The following ACVR1 variants were observed in gnomAD, a reference collection of about 807,000 sequenced individuals.
ACVR1 encodes activin receptor type-1.
Under a neutral mutation model 57.1 loss-of-function variants are expected in ACVR1, and 38 were observed. That is an observed-to-expected ratio of 0.67 (90% CI 0.51 to 0.87). The LOEUF (loss-of-function observed/expected upper bound fraction) is 0.87. ACVR1 is among the 40% of genes least tolerant of loss of function. The pLI is 0.00. For missense variants in ACVR1, 463 were observed against 638.2 expected (o/e 0.73, Z 2.96); for synonymous variants, 212 against 228.1 (o/e 0.93, Z 0.63).
At chr2:157,755,611 A>G (rs1443998861) in intron 9 of ACVR1, among the ~76,000 whole-genome samples, 2 of 152,042 alleles carry the variant, frequency 1.3e-5, no homozygotes, top group African/African-American at 4.8e-5. Flanking sequence ...TAACCAAGGA[A>G]GCAGAAGATC....
chr2:157,824,666 T>A (rs1347480620), intron 1 of ACVR1, among the ~76,000 whole-genome samples: 1 of 152,008 alleles, frequency 6.6e-6, no homozygotes, highest in Non-Finnish European at 1.5e-5. Context: ...TCACCAGATA[T>A]GAGGTGTGAC....
Position 157,737,393 on chromosome 2 carries a change from C to T in ACVR1, c.*138G>A, listed in dbSNP as rs2228948. ...TGTCTCCCCAACACATGGCTGGGTACGACGTCTGCCTTGTCAAAGCAGCCA... is the reference window on the plus strand; with the variant it reads ...TGTCTCCCCAACACATGGCTGGGTATGACGTCTGCCTTGTCAAAGCAGCCA... On this transcript the variant is annotated 3_prime_UTR_variant, in exon 11 of 11. Transcript: ENST00000434821. The T allele has an allele frequency of 0.19, 221,406 of 1,142,828 alleles. 25,136 individuals are homozygous for T. Among genetic ancestry groups the T allele is most frequent in the Non-Finnish European group, 0.23 (180,675 of 788,018 alleles). 70.8% of individuals were successfully genotyped at this position (1,142,828 alleles called of 1,614,324 possible). A position where few individuals can be genotyped will look rare whatever the true frequency, so the allele number is the denominator to read the frequency against.
intron 1 of ACVR1, chr2:157,838,350 A>G (rs1336537954): frequency 2.6e-5 from 4 of 151,874 alleles, no homozygotes; most frequent in Non-Finnish European, 5.9e-5. Flanking sequence ...AGGTGGGGGA[A>G]AAAAAAACAA....
chr2:157,780,124 T>C (rs953795629), intron 4 of ACVR1, among the ~76,000 whole-genome samples: 6 of 152,202 alleles, frequency 3.9e-5, no homozygotes, highest in Non-Finnish European at 8.8e-5. Context: ...GACATCACCT[T>C]GCTTACATTC....
chr2:157,807,409 C>T (rs1220171974), intron 2 of ACVR1, among the ~76,000 whole-genome samples: 1 of 152,134 alleles, frequency 6.6e-6, no homozygotes, highest in Non-Finnish European at 1.5e-5. Flanking sequence ...GACTGTCCCT[C>T]GTTTTCCACT....
At chr2:157,851,577 T>A (rs1689302316) in intron 1 of ACVR1, among the ~76,000 whole-genome samples, 1 of 152,086 alleles carries the variant, frequency 6.6e-6, no homozygotes, top group Non-Finnish European at 1.5e-5. Context: ...TTATACTCTA[T>A]ATTCTGTATA....
At chr2:157,872,270 C>T (rs151291054) in intron 1 of ACVR1, among the ~76,000 whole-genome samples, 1 of 152,184 alleles carries the variant, frequency 6.6e-6, no homozygotes, top group African/African-American at 2.4e-5. Flanking sequence ...TATTTCCCAG[C>T]CTCACCAGTT....
intron 8 of ACVR1, 67 bp downstream of exon 8, chr2:157,765,854 T>C (rs1251359656): frequency 6.5e-7 from 1 of 1,537,604 alleles, no homozygotes; most frequent in African/African-American, 1.4e-5. Context: ...GGGGGAGAGA[T>C]GCAACTCACC....
intron 1 of ACVR1, among the ~76,000 whole-genome samples, chr2:157,847,836 G>A (rs949615752): frequency 3.7e-4 from 57 of 152,290 alleles, no homozygotes; most frequent in Middle Eastern, 3.4e-3. Context: ...GGGAGGGGGC[G>A]AGGAGTGGAG....
intron 1 of ACVR1, among the ~76,000 whole-genome samples, chr2:157,826,859 AGGAAG>A (rs1045958430): frequency 8.5e-5 from 11 of 130,140 alleles, no homozygotes; most frequent in Admixed American, 7.2e-4. Context: ...GAAAAGAAGA[AGGAAG>A]GGAAAGGAAA....
chr2:157,747,090 T>C (rs1421474962), intron 9 of ACVR1, among the ~76,000 whole-genome samples: 1 of 152,208 alleles, frequency 6.6e-6, no homozygotes, highest in Non-Finnish European at 1.5e-5. Flanking sequence ...ACTCAAAGGA[T>C]GTATCATTAT....
At chr2:157,852,003 G>C (rs1689330528) in intron 1 of ACVR1, among the ~76,000 whole-genome samples, 1 of 148,670 alleles carries the variant, frequency 6.7e-6, no homozygotes. Context: ...ATGTTCTGAA[G>C]AAGACTACAG....
intron 7 of ACVR1, among the ~76,000 whole-genome samples, chr2:157,766,582 A>G (rs1318530760): frequency 1.3e-5 from 2 of 152,336 alleles, no homozygotes; most frequent in East Asian, 3.9e-4. Flanking sequence ...CTAAAACCTG[A>G]GTACTGTATT....
At chr2:157,867,375 C>A (rs1305049722) in intron 1 of ACVR1, among the ~76,000 whole-genome samples, 2 of 152,214 alleles carry the variant, frequency 1.3e-5, no homozygotes, top group Non-Finnish European at 2.9e-5. Context: ...GCCTCAAACT[C>A]ATACACCTAT....
chr2:157,747,926 A>G (rs1685035678), intron 9 of ACVR1, among the ~76,000 whole-genome samples: 1 of 152,210 alleles, frequency 6.6e-6, no homozygotes, highest in South Asian at 2.1e-4. Flanking sequence ...TACAGCACAG[A>G]AGCTCAACCC....
At chr2:157,774,457 C>T (rs1425109348) in intron 5 of ACVR1, among the ~76,000 whole-genome samples, 2 of 152,154 alleles carry the variant, frequency 1.3e-5, no homozygotes, top group Non-Finnish European at 1.5e-5. Context: ...CTCCACCTCC[C>T]GGGTTCAAGT....
At chr2:157,868,857 A>G (rs1199606510) in intron 1 of ACVR1, among the ~76,000 whole-genome samples, 1 of 152,222 alleles carries the variant, frequency 6.6e-6, no homozygotes, top group African/African-American at 2.4e-5. Context: ...ATGCTCAATA[A>G]ATAAGGGACA....
At chr2:157,770,312 G>A in intron 7 of ACVR1, 56 bp downstream of exon 7, 1 of 1,592,420 alleles carries the variant, frequency 6.3e-7, no homozygotes, top group Admixed American at 1.7e-5. Flanking sequence ...GAGAGCAAAG[G>A]CAGACAATTG....
intron 3 of ACVR1, 32 bp from the exon 4 acceptor site, chr2:157,780,632 A>T (rs1363475718): frequency 3.7e-6 from 6 of 1,611,898 alleles, no homozygotes; most frequent in Non-Finnish European, 4.2e-6. Flanking sequence ...GGGAAAAAAA[A>T]AAAAAAGAGG....
Sources: allele counts gnomAD v4.1 joint callset (sites outside exome capture counted in the v4.1 genomes callset), GRCh38; gene constraint gnomAD v4.1.1; transcripts MANE v1.5; gene names NCBI Gene and HGNC (gene_info 2026-07-23, HGNC 2026-07-21).